The following MFSD8 variants were observed in gnomAD, a reference collection of about 807,000 sequenced individuals.
The protein encoded by MFSD8 is major facilitator superfamily domain-containing protein 8.
Under a neutral mutation model 66.4 loss-of-function variants are expected in MFSD8, and 55 were observed. The observed-to-expected ratio is 0.83, with a 90% CI of 0.67 to 1.04. The LOEUF (loss-of-function observed/expected upper bound fraction) is 1.04. MFSD8 is among the 50% of genes least tolerant of loss of function. MFSD8 has a pLI of 0.00. For synonymous variants in MFSD8, 202 were observed against 212.8 expected (o/e 0.95, Z 0.44); for missense variants, 550 against 627.6 (o/e 0.88, Z 1.32).
At chr4:127,942,664 T>TG (rs1402310592) in intron 4 of MFSD8, among the ~76,000 whole-genome samples, 5 of 126,198 alleles carry the variant, frequency 4.0e-5, no homozygotes, top group Non-Finnish European at 8.4e-5. Flanking sequence ...TGGGCAACAG[T>TG]GAAAAAAAAA....
At chr4:127,965,254 A>C (rs1744884277), upstream of MFSD8, 4 of 1,294,936 alleles carry the variant, frequency 3.1e-6, no homozygotes, top group Admixed American at 7.8e-5. Flanking sequence ...TGACGGTCAG[A>C]CGTAGGCGGA....
rs1174949299 is a variant in MFSD8 at position 127,921,566 on chromosome 4, C to T, written c.1308G>A (p.Met436Ile). 2 of 1,614,148 alleles carry T rather than the reference C, an allele frequency of 1.2e-6. No individual in the cohort carries two copies. Among genetic ancestry groups the T allele is most frequent in the East Asian group, 2.2e-5 (1 of 44,880 alleles). Residue 436 changes from methionine (M) to isoleucine (I), a missense_variant, in exon 11 of 12, where the codon ATG becomes ATA. Met to Ile is a conservative substitution (Grantham distance 10). Coordinates refer to ENST00000641686, the MANE Select transcript of MFSD8 (RefSeq NM_001371596.2). ...GAATTTTTGAATATAGAGTATAGGA[C>T]ATAAGATTGCAGACTGGATAGCCTA... ...IGLGYPVCNL[M>I]SYTLYSKILG...
chr4:127,956,556 C>T (rs185037748), intron 2 of MFSD8, among the ~76,000 whole-genome samples: 275 of 150,112 alleles, frequency 1.8e-3, no homozygotes, highest in Middle Eastern at 3.6e-3. Flanking sequence ...CGGTGACTCA[C>T]GCCTGTAATC....
intron 1 of MFSD8, among the ~76,000 whole-genome samples, chr4:127,963,286 T>G (rs72616975): frequency 0.08 from 12,177 of 152,208 alleles, 972 homozygotes; most frequent in East Asian, 0.27. Context: ...TTCAAGTATC[T>G]ATTAAAACCA....
chr4:127,951,338 T>C (rs1741922472), intron 2 of MFSD8, among the ~76,000 whole-genome samples: 1 of 152,100 alleles, frequency 6.6e-6, no homozygotes, highest in South Asian at 2.1e-4. Flanking sequence ...CAAGCGATTC[T>C]CCTGCCTCAG....
Position 127,949,786 on chromosome 4 carries a change from A to T in MFSD8, c.198+18T>A, listed in dbSNP as rs201517149. On this transcript the variant is annotated intron_variant, in intron 3 of 11. Transcript: ENST00000641686. ...ACTACTGTAGCTATAAGGGAAAAAT[A>T]GATTGAAATGTACAAACCTTTTGGA... 5.0e-6 allele frequency: 8 copies of T among 1,609,000 alleles called. No individual in the cohort carries two copies.
At position 127,921,581 on chromosome 4, in the gene MFSD8, T is replaced by C; in HGVS notation, c.1293A>G (p.Pro431=). 2 of 1,614,204 alleles carry C rather than the reference T, an allele frequency of 1.2e-6. No homozygotes were observed. Among genetic ancestry groups the C allele is most frequent in the Non-Finnish European group, 8.5e-7 (1 of 1,180,044 alleles). ...GAGTATAGGACATAAGATTGCAGAC[T>C]GGATAGCCTAATCCTATTAGCACAG... is the stretch of plus-strand genomic sequence containing the variant. The part of the protein sequence containing the change: ...TSAVLIGLGY[P]VCNLMSYTLY... The change falls in exon 11 of 12, where the codon CCA becomes CCG. Residue 431 remains proline, a synonymous_variant. Coordinates refer to ENST00000641686, the MANE Select transcript of MFSD8 (RefSeq NM_001371596.2).
In MFSD8 at chr4:127,962,609, A is replaced by G. The variant is rs569889831; in HGVS notation, c.62+2463T>C. Among the ~76,000 whole-genome samples, 3 of 151,150 alleles carry G rather than the reference A, an allele frequency of 2.0e-5. No homozygotes were observed. The South Asian group carries it at 6.3e-4, about 32-fold the overall frequency. ...AATGATCTCAAGATAAAATCAAGTA[A>G]AGATAAAACTGCACTCCAGGCTCAC... On this transcript the variant is annotated intron_variant, in intron 1 of 11. Transcript: ENST00000641686.
intron 3 of MFSD8, among the ~76,000 whole-genome samples, chr4:127,944,608 A>G (rs1369230497): frequency 2.0e-5 from 3 of 152,198 alleles, no homozygotes; most frequent in Non-Finnish European, 2.9e-5. Flanking sequence ...AAAATAAAAT[A>G]CTTTCAGAAA....
chr4:127,940,948 C>T lies in MFSD8; in HGVS notation c.554-951G>A, dbSNP rs553744345. Reference sequence around the variant, plus strand: ...GAGGGCTTATTATTGGAAAAGTCATCGAAGCTTTTCAGGCTTACATTTACT... The same window carrying T: ...GAGGGCTTATTATTGGAAAAGTCATTGAAGCTTTTCAGGCTTACATTTACT... On this transcript the variant is annotated intron_variant, in intron 5 of 11. Transcript: ENST00000641686. 1.9e-3 allele frequency among the ~76,000 whole-genome samples: 292 copies of T among 152,100 alleles called. 1 individual carries two copies. Among genetic ancestry groups the T allele is most frequent in the African/African-American group, 6.6e-3 (272 of 41,474 alleles).
intron 2 of MFSD8, among the ~76,000 whole-genome samples, chr4:127,951,652 T>TATA (rs1741986557): frequency 1.3e-5 from 2 of 152,184 alleles, no homozygotes; most frequent in Admixed American, 1.3e-4. Flanking sequence ...GTTTGTACTC[T>TATA]ATAGAGTTTT....
intron 8 of MFSD8, among the ~76,000 whole-genome samples, chr4:127,931,113 C>G (rs1738047932): frequency 6.6e-6 from 1 of 152,160 alleles, no homozygotes; most frequent in Non-Finnish European, 1.5e-5. Flanking sequence ...CCACACCAAT[C>G]ATAATGCCTA....
intron 3 of MFSD8, chr4:127,945,636 G>T (rs1256609073): frequency 2.0e-5 from 3 of 151,744 alleles, no homozygotes; most frequent in Non-Finnish European, 4.4e-5. Flanking sequence ...ATTCCCTAAA[G>T]ATATTTAAAG....
At position 127,921,546 on chromosome 4, in the gene MFSD8, T is replaced by A. The variant is rs756121904; in HGVS notation, c.1328A>T (p.Lys443Ile). ...TACCTGAGGTTTTGGTCCTAGAATT[T>A]TTGAATATAGAGTATAGGACATAAG... ...CNLMSYTLYS[K>I]ILGPKPQGVY... The change falls in exon 11 of 12, where the codon AAA becomes ATA. Residue 443 changes from lysine to isoleucine, a missense_variant. Lys to Ile is a moderately radical substitution (Grantham distance 102). Transcript: ENST00000641686. 6.2e-7 allele frequency: 1 copy of A among 1,614,206 alleles called. No individual in the cohort carries two copies. Among genetic ancestry groups the A allele is most frequent in the South Asian group, 1.1e-5 (1 of 91,084 alleles).
chr4:127,961,803 A>T (rs1453222919), intron 1 of MFSD8, among the ~76,000 whole-genome samples: 1 of 138,896 alleles, frequency 7.2e-6, no homozygotes, highest in Non-Finnish European at 1.5e-5. Context: ...CCTGGGTGAC[A>T]GAGCGAGACT....
chr4:127,963,600 G>C (rs1300353346), intron 1 of MFSD8, among the ~76,000 whole-genome samples: 1 of 152,086 alleles, frequency 6.6e-6, no homozygotes, highest in Non-Finnish European at 1.5e-5. Flanking sequence ...CTCTTAAGGC[G>C]GCGCGTCTGG....
At chr4:127,928,833 C>G (rs1251971183) in intron 9 of MFSD8, among the ~76,000 whole-genome samples, 1 of 152,028 alleles carries the variant, frequency 6.6e-6, no homozygotes. Flanking sequence ...AAATATGAAA[C>G]CAACCTAAGT....
chr4:127,945,184 T>C (rs931072023), intron 3 of MFSD8, among the ~76,000 whole-genome samples: 17 of 152,222 alleles, frequency 1.1e-4, no homozygotes, highest in Non-Finnish European at 1.6e-4. Flanking sequence ...CTATCTCTAA[T>C]CTTCCTATTT....
At chr4:127,929,245 C>T (rs145174524) in intron 9 of MFSD8, among the ~76,000 whole-genome samples, 2,488 of 147,250 alleles carry the variant, frequency 0.017, 32 homozygotes, top group Non-Finnish European at 0.026. Context: ...ATCGCTGGAA[C>T]CCAGGAGGTG....
Sources: allele counts gnomAD v4.1 joint callset (sites outside exome capture counted in the v4.1 genomes callset), GRCh38; gene constraint gnomAD v4.1.1; transcripts MANE v1.5; gene names NCBI Gene and HGNC (gene_info 2026-07-23, HGNC 2026-07-21).